Variants in TFCP2 observed in about 807,000 individuals in gnomAD.
TFCP2 encodes the protein transcription factor CP2.
In TFCP2, 33 loss-of-function variants were observed where a neutral mutation model predicts 73.4. The observed-to-expected ratio is 0.45, with a 90% CI of 0.34 to 0.60. TFCP2 has a LOEUF of 0.60. Ranked by LOEUF, TFCP2 falls within the 20% of genes least tolerant of loss-of-function variation. TFCP2 has a pLI of 0.01. For missense variants in TFCP2, 352 were observed against 604.0 expected (o/e 0.58, Z 4.37); for synonymous variants, 193 against 211.6 (o/e 0.91, Z 0.76).
chr12:51,132,328 A>C (rs1940961109), intron 1 of TFCP2, among the ~76,000 whole-genome samples: 2 of 135,268 alleles, frequency 1.5e-5, no homozygotes, highest in African/African-American at 5.7e-5. Flanking sequence ...AAGAATTAGC[A>C]GTGTGCAAGT....
At chr12:51,136,266 G>C (rs1029747487) in intron 1 of TFCP2, among the ~76,000 whole-genome samples, 1 of 148,516 alleles carries the variant, frequency 6.7e-6, no homozygotes, top group African/African-American at 2.5e-5. Context: ...CTGAGATCGC[G>C]CCATTGCACT....
intron 1 of TFCP2, among the ~76,000 whole-genome samples, chr12:51,121,820 A>G (rs560340847): frequency 6.6e-6 from 1 of 152,226 alleles, no homozygotes; most frequent in South Asian, 2.1e-4. Flanking sequence ...TGAAATCTTT[A>G]CCTATAATTT....
chr12:51,099,574 G>C, intron 12 of TFCP2, 81 bp downstream of exon 12: 1 of 1,530,014 alleles, frequency 6.5e-7, no homozygotes, highest in South Asian at 1.2e-5. Context: ...TCTGCTGTTT[G>C]ATAGTTTCCC....
intron 1 of TFCP2, among the ~76,000 whole-genome samples, chr12:51,160,802 G>C (rs1941631357): frequency 6.6e-6 from 1 of 152,156 alleles, no homozygotes; most frequent in Admixed American, 6.5e-5. Flanking sequence ...GTGAATTTTG[G>C]CATTTGGAAT....
chr12:51,140,052 C>T (rs756531050), intron 1 of TFCP2, among the ~76,000 whole-genome samples: 3 of 152,096 alleles, frequency 2.0e-5, no homozygotes, highest in Non-Finnish European at 2.9e-5. Context: ...TCATTTTATC[C>T]AAGTTTTATC....
intron 1 of TFCP2, among the ~76,000 whole-genome samples, chr12:51,168,283 G>C (rs1941794195): frequency 6.6e-6 from 1 of 151,822 alleles, no homozygotes. Context: ...GTACCCCCAG[G>C]TGCACTCCAG....
At chr12:51,100,563 C>G (rs1398102624) in intron 11 of TFCP2, among the ~76,000 whole-genome samples, 1 of 152,166 alleles carries the variant, frequency 6.6e-6, no homozygotes, top group African/African-American at 2.4e-5. Context: ...CATCTGTAAT[C>G]CCAGCACTTT....
At chr12:51,159,100 A>G (rs1390822168) in intron 1 of TFCP2, among the ~76,000 whole-genome samples, 1 of 147,526 alleles carries the variant, frequency 6.8e-6, no homozygotes, top group African/African-American at 2.5e-5. Context: ...AAACGTTTGA[A>G]CTCAGGAGGC....
At chr12:51,122,264 T>G (rs890867466) in intron 1 of TFCP2, among the ~76,000 whole-genome samples, 1 of 140,542 alleles carries the variant, frequency 7.1e-6, no homozygotes, top group African/African-American at 2.7e-5. Context: ...TTTTTTTTTT[T>G]TTTTTTTTTT....
intron 5 of TFCP2, among the ~76,000 whole-genome samples, chr12:51,110,157 T>G (rs975613792): frequency 6.6e-6 from 1 of 152,228 alleles, no homozygotes; most frequent in Non-Finnish European, 1.5e-5. Context: ...TAGTGGTTAC[T>G]ATAATTACTA....
chr12:51,149,024 C>CAAAAAAAAAAAAAAAAAAAAAA (rs60318954), intron 1 of TFCP2, among the ~76,000 whole-genome samples: 13 of 38,000 alleles, frequency 3.4e-4, no homozygotes, highest in Non-Finnish European at 5.4e-4. Flanking sequence ...GACTCCATCT[C>CAAAAAAAAAAAAAAAAAAAAAA]AAAAAAAAAA....
chr12:51,172,713 G>C lies in TFCP2; in HGVS notation c.-291C>G. The C allele has an allele frequency of 3.1e-6, 1 of 318,196 alleles. No homozygotes were observed. The highest frequency in any genetic ancestry group is 6.1e-6 in the Non-Finnish European group (1 of 164,994). 19.7% of individuals were successfully genotyped at this position (318,196 alleles called of 1,614,324 possible). A position where few individuals can be genotyped will look rare whatever the true frequency, so the allele number is the denominator to read the frequency against. Reference sequence around the variant, plus strand: ...TGCAGACTTCCCAGAGGCAGCTCTGGACTCCCGCACTCCCACTCCTCTTGA... The same window carrying C: ...TGCAGACTTCCCAGAGGCAGCTCTGCACTCCCGCACTCCCACTCCTCTTGA... On this transcript the variant is annotated 5_prime_UTR_variant, in exon 1 of 15. Coordinates refer to ENST00000257915, the MANE Select transcript of TFCP2 (RefSeq NM_005653.5).
Position 51,103,654 on chromosome 12 carries a change from A to C in TFCP2, c.1060+16T>G, listed in dbSNP as rs1383543543. 6.2e-7 allele frequency: 1 copy of C among 1,606,978 alleles called. No individual in the cohort carries two copies. On this transcript the variant is annotated intron_variant, in intron 10 of 14. Coordinates refer to ENST00000257915, the MANE Select transcript of TFCP2 (RefSeq NM_005653.5). ...AATTTCATGCTAGGGAAAACAAAAG[A>C]AAAAGAAAATTTAACCTGAGAAGTT...
intron 1 of TFCP2, among the ~76,000 whole-genome samples, chr12:51,144,489 T>A (rs1032213368): frequency 6.6e-6 from 1 of 152,068 alleles, no homozygotes; most frequent in Non-Finnish European, 1.5e-5. Flanking sequence ...AATTAACCTA[T>A]AGAAGAGAAC....
intron 1 of TFCP2, among the ~76,000 whole-genome samples, chr12:51,162,303 A>T (rs2436639): frequency 6.6e-6 from 1 of 152,096 alleles, no homozygotes; most frequent in Non-Finnish European, 1.5e-5. Flanking sequence ...AAAATTCGCC[A>T]GGCGTGGTAG....
intron 1 of TFCP2, among the ~76,000 whole-genome samples, chr12:51,143,751 A>G (rs1316032114): frequency 2.0e-5 from 3 of 152,180 alleles, no homozygotes; most frequent in Non-Finnish European, 4.4e-5. Flanking sequence ...AGATGTCACT[A>G]TGCTAGGCTG....
chr12:51,112,181 A>G (rs1302719596), intron 4 of TFCP2, among the ~76,000 whole-genome samples: 1 of 152,188 alleles, frequency 6.6e-6, no homozygotes, highest in Non-Finnish European at 1.5e-5. Context: ...TCATTTTTAA[A>G]TTGAGAAATA....
intron 1 of TFCP2, among the ~76,000 whole-genome samples, chr12:51,154,949 G>T (rs951004068): frequency 2.6e-5 from 4 of 152,216 alleles, no homozygotes; most frequent in Admixed American, 6.5e-5. Flanking sequence ...GACTGTATCT[G>T]TGAGAGTGTT....
chr12:51,096,729 A>G (rs1201780080), intron 13 of TFCP2, among the ~76,000 whole-genome samples: 2 of 152,144 alleles, frequency 1.3e-5, no homozygotes, highest in Non-Finnish European at 1.5e-5. Context: ...ATCTAATGAC[A>G]TTGTCATTAC....
Sources: allele counts gnomAD v4.1 joint callset (sites outside exome capture counted in the v4.1 genomes callset), GRCh38; gene constraint gnomAD v4.1.1; transcripts MANE v1.5; gene names NCBI Gene and HGNC (gene_info 2026-07-23, HGNC 2026-07-21).